Variants in TMEM232 observed in about 807,000 individuals in gnomAD.
TMEM232 encodes transmembrane protein 232.
TMEM232 carries 80 observed loss-of-function variants against 78.8 expected under a neutral mutation model. The ratio of observed to expected loss-of-function variants is 1.01; its 90% CI spans 0.85 to 1.22. TMEM232 has a LOEUF of 1.22. Ranked by LOEUF, TMEM232 falls within the 50% of genes most tolerant of loss-of-function variation. The probability of loss-of-function intolerance (pLI) is 0.00; values close to 1 mark genes in which losing one functional copy is unlikely to be tolerated. For synonymous variants in TMEM232, 297 were observed against 254.3 expected (o/e 1.17, Z -1.60); for missense variants, 881 against 742.2 (o/e 1.19, Z -2.17).
At chr5:110,713,374 T>C (rs1796695269) in intron 1 of TMEM232, among the ~76,000 whole-genome samples, 2 of 152,122 alleles carry the variant, frequency 1.3e-5, no homozygotes, top group Admixed American at 1.3e-4. Flanking sequence ...AATAATTTAA[T>C]TATAAATTTA....
chr5:110,577,798 C>A (rs1777735824), intron 10 of TMEM232, among the ~76,000 whole-genome samples: 1 of 151,916 alleles, frequency 6.6e-6, no homozygotes, highest in Non-Finnish European at 1.5e-5. Flanking sequence ...CCTGTTCTTA[C>A]TTATAAGTGG....
At chr5:110,738,856 T>C, upstream of TMEM232, 2 of 721,524 alleles carry the variant, frequency 2.8e-6, no homozygotes, top group Non-Finnish European at 4.3e-6. Flanking sequence ...CCCACAACCA[T>C]ATTCCCACCT....
intron 11 of TMEM232, among the ~76,000 whole-genome samples, chr5:110,553,780 A>G (rs1774742814): frequency 6.6e-6 from 1 of 152,152 alleles, no homozygotes. Flanking sequence ...GACAGTGGGC[A>G]TCCTTGTCTT....
intron 1 of TMEM232, among the ~76,000 whole-genome samples, chr5:110,680,887 C>A (rs1232975437): frequency 6.6e-6 from 1 of 151,650 alleles, no homozygotes; most frequent in Non-Finnish European, 1.5e-5. Context: ...TCTGATTTGC[C>A]TTAAAGGAGA....
intron 1 of TMEM232, among the ~76,000 whole-genome samples, chr5:110,721,512 T>C (rs1797602017): frequency 6.6e-6 from 1 of 150,954 alleles, no homozygotes; most frequent in African/African-American, 2.4e-5. Context: ...ACCTCATAAG[T>C]AAGAACTGTT....
chr5:110,519,844 T>G (rs955153540), intron 12 of TMEM232, among the ~76,000 whole-genome samples: 1 of 149,936 alleles, frequency 6.7e-6, no homozygotes, highest in African/African-American at 2.4e-5. Flanking sequence ...CCGGAGGATA[T>G]TATGTTAAAT....
chr5:110,625,821 T>C (rs1337860425), intron 6 of TMEM232, among the ~76,000 whole-genome samples: 1 of 145,394 alleles, frequency 6.9e-6, no homozygotes, highest in African/African-American at 2.6e-5. Flanking sequence ...TAGACAAACA[T>C]TCTCCAGTTT....
At chr5:110,465,087 A>C (rs1561529048) in intron 12 of TMEM232, among the ~76,000 whole-genome samples, 3 of 152,232 alleles carry the variant, frequency 2.0e-5, no homozygotes, top group Admixed American at 6.5e-5. Context: ...AGCACTACCA[A>C]ATGATCTTCA....
chr5:110,464,323 G>A (rs1387098666), intron 12 of TMEM232, among the ~76,000 whole-genome samples: 2 of 151,938 alleles, frequency 1.3e-5, no homozygotes, highest in Non-Finnish European at 2.9e-5. Context: ...GTTTCTACTA[G>A]ACAATAGCAT....
intron 1 of TMEM232, among the ~76,000 whole-genome samples, chr5:110,711,600 G>C (rs1457250712): frequency 6.6e-6 from 1 of 152,042 alleles, no homozygotes; most frequent in Non-Finnish European, 1.5e-5. Context: ...TAGACCAATG[G>C]AGCAGAAGAG....
intron 2 of TMEM232, among the ~76,000 whole-genome samples, chr5:110,653,685 G>C (rs1042319077): frequency 6.6e-6 from 1 of 152,134 alleles, no homozygotes; most frequent in African/African-American, 2.4e-5. Flanking sequence ...CAAGCATACA[G>C]ATAAACTCAA....
chr5:110,577,373 A>G (rs1376191733), intron 10 of TMEM232, among the ~76,000 whole-genome samples: 1 of 152,102 alleles, frequency 6.6e-6, no homozygotes, highest in Non-Finnish European at 1.5e-5. Context: ...TAAAAAAATA[A>G]CAGGTGCTGG....
At chr5:110,614,455 A>T (rs567862534) in intron 8 of TMEM232, among the ~76,000 whole-genome samples, 2 of 152,124 alleles carry the variant, frequency 1.3e-5, no homozygotes, top group Non-Finnish European at 2.9e-5. Flanking sequence ...CTAAGTATTT[A>T]AAAAAACTGG....
chr5:110,644,903 T>C (rs1222786405), intron 2 of TMEM232, among the ~76,000 whole-genome samples: 1 of 150,850 alleles, frequency 6.6e-6, no homozygotes, highest in Non-Finnish European at 1.5e-5. Context: ...GAAATGAAAG[T>C]GAAAACATTA....
chr5:110,659,941 A>G (rs1426640641), intron 2 of TMEM232, among the ~76,000 whole-genome samples: 2 of 152,132 alleles, frequency 1.3e-5, no homozygotes, highest in Non-Finnish European at 2.9e-5. Flanking sequence ...AGATGATCTC[A>G]TACACATTTA....
At chr5:110,395,761 C>A (rs1231055995) in intron 3 of TMEM232, among the ~76,000 whole-genome samples, 1 of 152,160 alleles carries the variant, frequency 6.6e-6, no homozygotes, top group East Asian at 1.9e-4. Flanking sequence ...TCTGGCCTCT[C>A]TTATGACTAG....
chr5:110,709,383 A>T lies in TMEM232; in HGVS notation c.-13+17244T>A, dbSNP rs537088162. On this transcript the variant is annotated intron_variant, in intron 1 of 13. Coordinates refer to ENST00000455884, the MANE Select transcript of TMEM232 (RefSeq NM_001039763.4). ...TTAATTAGCACTATAGGACAAATGGACCTAATAAATATTTACAGAACATTT... is the reference window on the plus strand; with the variant it reads ...TTAATTAGCACTATAGGACAAATGGTCCTAATAAATATTTACAGAACATTT... Among the ~76,000 whole-genome samples, 45 of 152,250 alleles carry T rather than the reference A, an allele frequency of 3.0e-4. No individual in the cohort carries two copies. In the South Asian group the frequency reaches 9.3e-3, roughly 32 times the overall value.
At chr5:110,395,533 T>A (rs1004273753) in intron 3 of TMEM232, among the ~76,000 whole-genome samples, 5 of 152,174 alleles carry the variant, frequency 3.3e-5, no homozygotes, top group Non-Finnish European at 1.5e-5. Context: ...TCCTTAGATT[T>A]CATGTTAGTT....
chr5:110,421,450 TTTCTC>T (rs1386087799), intron 13 of TMEM232, among the ~76,000 whole-genome samples: 10 of 151,798 alleles, frequency 6.6e-5, no homozygotes, highest in African/African-American at 2.4e-4. Flanking sequence ...AGGAACTTTT[TTTCTC>T]TTCTAATACA....
Sources: gnomAD v4.1 joint callset for allele counts (sites outside exome capture counted in the v4.1 genomes callset) on GRCh38, gnomAD v4.1.1 for gene constraint, MANE v1.5 for transcripts, NCBI Gene and HGNC (gene_info 2026-07-23, HGNC 2026-07-21) for gene names.